Variants in FXYD5 observed in about 807,000 individuals in gnomAD.
FXYD5 encodes the protein FXYD domain containing ion transport regulator 5, also known as FXYD domain-containing ion transport regulator 5.
In FXYD5, 21 loss-of-function variants were observed where a neutral mutation model predicts 25.7. That is an observed-to-expected ratio of 0.82 (90% CI 0.58 to 1.18). The LOEUF (loss-of-function observed/expected upper bound fraction) is 1.18, where lower values mean the gene tolerates loss of function less well. FXYD5 is among the 50% of genes most tolerant of loss of function. FXYD5 has a pLI of 0.00. For synonymous variants in FXYD5, 101 were observed against 90.7 expected (o/e 1.11, Z -0.64); for missense variants, 229 against 227.7 (o/e 1.01, Z -0.04).
intron 1 of FXYD5, chr19:35,155,153 GC>G: frequency 4.6e-6 from 1 of 216,488 alleles, no homozygotes; most frequent in Non-Finnish European, 9.2e-6. Context: ...CGGGCTCTGG[GC>G]CCCTGGGGGA....
At chr19:35,157,894 G>T (rs567288080) in intron 3 of FXYD5, among the ~76,000 whole-genome samples, 88 of 152,298 alleles carry the variant, frequency 5.8e-4, no homozygotes, top group African/African-American at 2.1e-3. Flanking sequence ...TGTGGCCACA[G>T]GCATAGAAAG....
At chr19:35,159,546 A>G in intron 4 of FXYD5, 1 of 1,550,580 alleles carries the variant, frequency 6.4e-7, no homozygotes, top group Non-Finnish European at 8.7e-7. Flanking sequence ...GGAGTCACAC[A>G]CTTCTTGATG....
At chr19:35,167,411 G>T (rs2065460257) in intron 8 of FXYD5, among the ~76,000 whole-genome samples, 1 of 152,160 alleles carries the variant, frequency 6.6e-6, no homozygotes, top group South Asian at 2.1e-4. Context: ...AACCAGGAGG[G>T]AGCAGGGGTG....
chr19:35,161,052 G>A (rs144981405), intron 5 of FXYD5, among the ~76,000 whole-genome samples: 5 of 152,268 alleles, frequency 3.3e-5, no homozygotes, highest in East Asian at 1.9e-4. Context: ...AAGGGGCAGC[G>A]TGCAGTATGC....
rs148257499 is a variant in FXYD5 at position 35,167,462 on chromosome 19, C to G, written c.487+1137C>G. Among the ~76,000 whole-genome samples, 361 of 152,322 alleles carry G rather than the reference C, an allele frequency of 2.4e-3. 2 individuals are homozygous for G. Among genetic ancestry groups the G allele is most frequent in the African/African-American group, 8.3e-3 (346 of 41,572 alleles). ...CTAAACCTCCCTCTCCTCCCACCCC[C>G]CTGTCTCCTGCCAATGCTTAACCAG... On this transcript the variant is annotated intron_variant, in intron 8 of 8. Transcript: ENST00000392219.
intron 2 of FXYD5, among the ~76,000 whole-genome samples, chr19:35,155,896 G>C (rs1459764684): frequency 6.6e-6 from 1 of 152,202 alleles, no homozygotes. Flanking sequence ...TCATTTGGCG[G>C]GGAGATTGGT....
At chr19:35,166,226 T>C in intron 7 of FXYD5, 25 bp from the exon 8 acceptor site, 1 of 1,609,642 alleles carries the variant, frequency 6.2e-7, no homozygotes, top group Admixed American at 1.7e-5. Context: ...CGTCTGACTC[T>C]ACCCCTTCAT....
At chr19:35,159,776 G>C (rs746671912) in intron 4 of FXYD5, 18 of 1,106,814 alleles carry the variant, frequency 1.6e-5, no homozygotes, top group Non-Finnish European at 2.2e-5. Context: ...AACAGAGGCT[G>C]TGAGTAACTG....
rs571984105 is a variant in FXYD5, at chr19:35,169,483, C to T, written c.488-83C>T. Reference sequence around the variant, plus strand: ...GAGTTTCCCGAGGGGCAGGGTTGATCAATCTGGTTCCCCAGCCCCACAACA... The same window carrying T: ...GAGTTTCCCGAGGGGCAGGGTTGATTAATCTGGTTCCCCAGCCCCACAACA... On this transcript the variant is annotated intron_variant, in intron 8 of 8. Coordinates refer to ENST00000392219, the MANE Select transcript of FXYD5 (RefSeq NM_014164.6). The T allele has an allele frequency of 5.8e-6, 6 of 1,033,026 alleles. No individual in the cohort carries two copies. In the East Asian group the frequency reaches 1.4e-4, roughly 24 times the overall value. 64.0% of individuals were successfully genotyped at this position (1,033,026 alleles called of 1,614,324 possible). A position where few individuals can be genotyped will look rare whatever the true frequency, so the allele number is the denominator to read the frequency against.
At position 35,155,587 on chromosome 19, in the gene FXYD5, G is replaced by A. The variant is rs1386828154; in HGVS notation, c.37G>A (p.Val13Ile). ...TGGTCGCCTGTGTCTTCTCACCATC[G>A]TTGGCCTGATTCTCCCCACCAGAGG... ...PSGRLCLLTIVGLILPTRGQT... is the reference protein window; with the variant it reads ...PSGRLCLLTIIGLILPTRGQT... The change falls in exon 2 of 9, where the codon GTT (valine) becomes ATT (isoleucine). Residue 13 changes from valine to isoleucine, a missense_variant. Transcript: ENST00000392219. The A allele has an allele frequency of 5.0e-6, 8 of 1,610,464 alleles. No individual in the cohort carries two copies. The highest frequency in any genetic ancestry group is 6.8e-6 in the Non-Finnish European group (8 of 1,179,622).
Position 35,160,716 on chromosome 19 carries a change from A to G in FXYD5, c.207A>G (p.Pro69=), listed in dbSNP as rs1369307976. ...CTCTCCTGACCTGAATAGAAACACC[A>G]CAACCCCAGACCCAGACCCAGCAAC... ...PTPTWPADET[P]QPQTQTQQLE... The change falls in exon 5 of 9, where the codon CCA becomes CCG. Residue 69 remains proline (P), a synonymous_variant. Coordinates refer to ENST00000392219, the MANE Select transcript of FXYD5 (RefSeq NM_014164.6). 14 of 1,612,018 alleles carry G rather than the reference A, an allele frequency of 8.7e-6. No homozygotes were observed. The highest frequency in any genetic ancestry group is 1.2e-5 in the Non-Finnish European group (14 of 1,178,364).
chr19:35,155,637 C>T, intron 2 of FXYD5, 26 bp downstream of exon 2: 1 of 1,562,726 alleles, frequency 6.4e-7, no homozygotes, highest in Non-Finnish European at 8.8e-7. Flanking sequence ...GGCCTCCACC[C>T]TGCCCCAGAG....
chr19:35,168,757 C>T (rs900860453), intron 8 of FXYD5, among the ~76,000 whole-genome samples: 1 of 152,124 alleles, frequency 6.6e-6, no homozygotes, highest in African/African-American at 2.4e-5. Context: ...GTCCTTCAGA[C>T]CTTTGTTCAA....
At chr19:35,166,230 C>G in intron 7 of FXYD5, 21 bp from the exon 8 acceptor site, 1 of 1,610,830 alleles carries the variant, frequency 6.2e-7, no homozygotes, top group South Asian at 1.1e-5. Context: ...TGACTCTACC[C>G]CTTCATTTTT....
intron 6 of FXYD5, among the ~76,000 whole-genome samples, chr19:35,164,821 C>T (rs1012172377): frequency 3.3e-5 from 5 of 152,152 alleles, no homozygotes; most frequent in Non-Finnish European, 7.4e-5. Flanking sequence ...TCTCTGCCCT[C>T]ATGGAACTAC....
chr19:35,165,787 C>A (rs1325628244), intron 6 of FXYD5, among the ~76,000 whole-genome samples: 2 of 152,048 alleles, frequency 1.3e-5, no homozygotes, highest in Non-Finnish European at 2.9e-5. Flanking sequence ...ACCTGTATTT[C>A]ATATACAAAA....
chr19:35,158,104 T>C (rs2065373085), intron 3 of FXYD5, among the ~76,000 whole-genome samples: 1 of 152,164 alleles, frequency 6.6e-6, no homozygotes, highest in African/African-American at 2.4e-5. Context: ...GAAAGACAAT[T>C]TGCAGCCAGC....
At chr19:35,159,705 C>T in intron 4 of FXYD5, 10 of 1,478,460 alleles carry the variant, frequency 6.8e-6, no homozygotes, top group Non-Finnish European at 9.0e-6. Flanking sequence ...TTAACTCATT[C>T]AACCTTCACG....
intron 6 of FXYD5, among the ~76,000 whole-genome samples, chr19:35,165,192 T>A (rs2065440153): frequency 6.6e-6 from 1 of 152,168 alleles, no homozygotes; most frequent in African/African-American, 2.4e-5. Flanking sequence ...TAGAGTTTAT[T>A]TAGAAAGTAA....
Sources: gnomAD v4.1 joint callset for allele counts (sites outside exome capture counted in the v4.1 genomes callset) on GRCh38, gnomAD v4.1.1 for gene constraint, MANE v1.5 for transcripts, NCBI Gene and HGNC (gene_info 2026-07-23, HGNC 2026-07-21) for gene names.